NEGR1: variants seen among roughly 807,000 people sequenced by gnomAD.
NEGR1 encodes IgLON family member 4.
Under a neutral mutation model 40.9 loss-of-function variants are expected in NEGR1, and 10 were observed. That is an observed-to-expected ratio of 0.24 (90% CI 0.15 to 0.42). The LOEUF is 0.42. Among genes scored for constraint, NEGR1 ranks in the 10% least tolerant of loss-of-function variants. The probability of loss-of-function intolerance (pLI) is 1.00; values close to 1 mark genes in which losing one functional copy is unlikely to be tolerated. For missense variants in NEGR1, 352 were observed against 438.9 expected (o/e 0.80, Z 1.77); for synonymous variants, 185 against 166.8 (o/e 1.11, Z -0.84).
intron 2 of NEGR1, among the ~76,000 whole-genome samples, chr1:71,860,765 C>T (rs1460453005): frequency 6.6e-6 from 1 of 151,962 alleles, no homozygotes; most frequent in Non-Finnish European, 1.5e-5. Flanking sequence ...ATTACATCTC[C>T]TCTCTTATGT....
At position 71,575,320 on chromosome 1, in the gene NEGR1, G is replaced by C. The variant is rs527312211; in HGVS notation, c.940+17497C>G. Among the ~76,000 whole-genome samples the C allele has an allele frequency of 1.2e-4, 19 of 152,306 alleles. No individual in the cohort carries two copies. The East Asian group carries it at 2.9e-3, about 23-fold the overall frequency. ...ATCAAAGAAGACTAACACACTTGCT[G>C]TGGGAAGTCTGTGAAATTTGAGGGC... is the stretch of plus-strand genomic sequence containing the variant. On this transcript the variant is annotated intron_variant, in intron 6 of 6. Transcript: ENST00000357731.
chr1:71,853,514 C>A (rs1659672427), intron 2 of NEGR1, among the ~76,000 whole-genome samples: 1 of 151,900 alleles, frequency 6.6e-6, no homozygotes, highest in Non-Finnish European at 1.5e-5. Flanking sequence ...CCAAACCGTG[C>A]CTTTGTCTTG....
intron 5 of NEGR1, among the ~76,000 whole-genome samples, chr1:71,598,700 G>A (rs1229722614): frequency 6.6e-6 from 1 of 152,190 alleles, no homozygotes; most frequent in African/African-American, 2.4e-5. Context: ...ATATAGTCAA[G>A]AATGGAAGAA....
chr1:71,549,519 G>A (rs1465710924), intron 6 of NEGR1, among the ~76,000 whole-genome samples: 1 of 151,594 alleles, frequency 6.6e-6, no homozygotes, highest in Non-Finnish European at 1.5e-5. Context: ...AGCCAAAACT[G>A]GCCAAGCACT....
At chr1:71,996,462 A>T (rs1217351317) in intron 1 of NEGR1, among the ~76,000 whole-genome samples, 3 of 152,164 alleles carry the variant, frequency 2.0e-5, no homozygotes, top group South Asian at 4.1e-4. Flanking sequence ...AATCAGTTCC[A>T]TCATTTTTTA....
chr1:71,767,910 G>A (rs1300065215), intron 3 of NEGR1, among the ~76,000 whole-genome samples: 1 of 152,220 alleles, frequency 6.6e-6, no homozygotes, highest in Non-Finnish European at 1.5e-5. Flanking sequence ...CTGCTTCAGA[G>A]GCTGCAAGCC....
At chr1:71,584,394 T>C (rs1330137980) in intron 6 of NEGR1, among the ~76,000 whole-genome samples, 1 of 152,210 alleles carries the variant, frequency 6.6e-6, no homozygotes, top group Non-Finnish European at 1.5e-5. Context: ...AATTTCAATT[T>C]ACTTTTTCGT....
intron 1 of NEGR1, among the ~76,000 whole-genome samples, chr1:72,276,825 T>C (rs1656066317): frequency 1.3e-5 from 2 of 152,136 alleles, no homozygotes; most frequent in African/African-American, 4.8e-5. Flanking sequence ...TAAACCGTTT[T>C]GGATATTTAA....
chr1:71,800,691 C>G (rs1657522822), intron 2 of NEGR1, among the ~76,000 whole-genome samples: 1 of 152,070 alleles, frequency 6.6e-6, no homozygotes, highest in African/African-American at 2.4e-5. Flanking sequence ...GACTGTGTTC[C>G]CATCCAGCCT....
chr1:71,812,340 T>C (rs530983730), intron 2 of NEGR1, among the ~76,000 whole-genome samples: 2 of 152,304 alleles, frequency 1.3e-5, no homozygotes, highest in East Asian at 1.9e-4. Context: ...CTATTATGAA[T>C]AGTGCTGCAA....
intron 1 of NEGR1, among the ~76,000 whole-genome samples, chr1:72,148,804 C>A (rs1386877798): frequency 6.6e-6 from 1 of 152,188 alleles, no homozygotes; most frequent in Non-Finnish European, 1.5e-5. Context: ...TCAGCTCCAT[C>A]TGAGACCACC....
intron 6 of NEGR1, among the ~76,000 whole-genome samples, chr1:71,588,498 G>A (rs1649382816): frequency 6.6e-6 from 1 of 151,932 alleles, no homozygotes; most frequent in Non-Finnish European, 1.5e-5. Flanking sequence ...AGAGGATGAG[G>A]GATCTTCATT....
intron 1 of NEGR1, among the ~76,000 whole-genome samples, chr1:71,953,409 C>G (rs974731976): frequency 3.9e-5 from 6 of 151,976 alleles, no homozygotes; most frequent in Non-Finnish European, 8.8e-5. Context: ...AAATGAGGAG[C>G]TGCTCTTTAC....
Position 71,407,531 on chromosome 1 carries a change from T to C in NEGR1, c.980A>G (p.Asp327Gly). 1 of 1,612,330 alleles carries C rather than the reference T, an allele frequency of 6.2e-7. No homozygotes were observed. The change falls in exon 7 of 7, where the codon GAT becomes GGT. Residue 327 changes from aspartate (D) to glycine (G), a missense_variant. By Grantham distance (94) the Asp-to-Gly change is moderately conservative (BLOSUM62 -1). This residue lies in a region of NEGR1 where 184 missense variants were observed against 208.7 expected (regional missense o/e 0.88). Coordinates refer to ENST00000357731, the MANE Select transcript of NEGR1 (RefSeq NM_173808.3). Reference sequence around the variant, plus strand: ...AAGGTACCAGCAGGAGAAAAGAACATCAGCGCTCCCGGTAATTCCATACTG... The same window carrying C: ...AAGGTACCAGCAGGAGAAAAGAACACCAGCGCTCCCGGTAATTCCATACTG... The part of the protein sequence containing the change: ...TAQYGITGSA[D>G]VLFSCWYLVL...
In NEGR1 at chr1:71,536,857, C is replaced by A. The variant is rs1394791932; in HGVS notation, c.940+55960G>T. Among the ~76,000 whole-genome samples the A allele has an allele frequency of 5.3e-5, 8 of 151,624 alleles. No homozygotes were observed. The East Asian group carries it at 1.2e-3, about 22-fold the overall frequency. On this transcript the variant is annotated intron_variant, in intron 6 of 6. Transcript: ENST00000357731. ...TCTCCCTTTATATCTCTAAACAGAT[C>A]AGAATGATCCCACTGACTTAATATA...
At chr1:71,695,721 A>C (rs1653454633) in intron 4 of NEGR1, among the ~76,000 whole-genome samples, 1 of 151,774 alleles carries the variant, frequency 6.6e-6, no homozygotes, top group Non-Finnish European at 1.5e-5. Flanking sequence ...ACATTTCTGC[A>C]CACTTTGTAA....
chr1:71,611,833 C>G (rs994022904), intron 4 of NEGR1, among the ~76,000 whole-genome samples: 6 of 152,214 alleles, frequency 3.9e-5, no homozygotes, highest in Admixed American at 6.5e-5. Flanking sequence ...TCAGTGTCCC[C>G]ATGCTCTTCC....
At chr1:71,453,903 A>C (rs533697719) in intron 6 of NEGR1, among the ~76,000 whole-genome samples, 2 of 152,306 alleles carry the variant, frequency 1.3e-5, no homozygotes, top group South Asian at 4.1e-4. Context: ...TCAGAATTCT[A>C]TACAAAAGAA....
chr1:72,077,516 G>GC (rs1270584331), intron 1 of NEGR1, among the ~76,000 whole-genome samples: 1 of 152,042 alleles, frequency 6.6e-6, no homozygotes, highest in Non-Finnish European at 1.5e-5. Flanking sequence ...TTTGCTGGGT[G>GC]CAGTAGTTCA....
Sources: gnomAD v4.1 joint callset for allele counts (sites outside exome capture counted in the v4.1 genomes callset) on GRCh38, gnomAD v4.1.1 for gene constraint, gnomAD v4.1.1 regional missense constraint, MANE v1.5 for transcripts, NCBI Gene and HGNC (gene_info 2026-07-23, HGNC 2026-07-21) for gene names.